The following PCDHA10 variants were observed in gnomAD, a reference collection of about 807,000 sequenced individuals.
PCDHA10 encodes protocadherin alpha 10.
A neutral mutation model predicts 61.2 loss-of-function variants in PCDHA10; 45 were observed. The ratio of observed to expected loss-of-function variants is 0.74; its 90% CI spans 0.58 to 0.94. The LOEUF (loss-of-function observed/expected upper bound fraction) is 0.94. PCDHA10 is among the 40% of genes least tolerant of loss of function. PCDHA10 has a pLI of 0.00. For synonymous variants in PCDHA10, 602 were observed against 548.8 expected (o/e 1.10, Z -1.35); for missense variants, 1,278 against 1,236.2 (o/e 1.03, Z -0.51).
At chr5:140,874,161 A>G (rs1173333729) in intron 1 of PCDHA10, among the ~76,000 whole-genome samples, 1 of 152,042 alleles carries the variant, frequency 6.6e-6, no homozygotes, top group Non-Finnish European at 1.5e-5. Context: ...ATTCTTGGTT[A>G]CTCTTTCCTG....
chr5:140,967,925 C>T, intron 1 of PCDHA10: 1 of 1,614,224 alleles, frequency 6.2e-7, no homozygotes, highest in South Asian at 1.1e-5. Context: ...TGTGGCCGTT[C>T]TCAGTGTCAA....
chr5:140,898,632 C>T (rs2066885282), intron 1 of PCDHA10, among the ~76,000 whole-genome samples: 1 of 152,158 alleles, frequency 6.6e-6, no homozygotes, highest in Non-Finnish European at 1.5e-5. Flanking sequence ...ATAATGCCTC[C>T]AGCTTTGTTC....
chr5:140,907,344 C>T (rs548533041), intron 1 of PCDHA10, among the ~76,000 whole-genome samples: 111 of 152,276 alleles, frequency 7.3e-4, no homozygotes, highest in Non-Finnish European at 1.2e-3. Flanking sequence ...TGCATGAGCC[C>T]GCTGCTGCAC....
chr5:140,877,501 A>G lies in PCDHA10; in HGVS notation c.2388+19065A>G, dbSNP rs2057165784. On this transcript the variant is annotated intron_variant, in intron 1 of 3. Coordinates refer to ENST00000307360, the MANE Select transcript of PCDHA10 (RefSeq NM_018901.4). ...GCTGGTGGAGAACGGCCAGGCCCCA[A>G]AGACGTCGTCGCGGGCCTCAGTGGG... 3.1e-6 allele frequency: 5 copies of G among 1,613,804 alleles called. No homozygotes were observed. In the East Asian group the frequency reaches 1.1e-4, roughly 36 times the overall value.
intron 1 of PCDHA10, among the ~76,000 whole-genome samples, chr5:140,906,853 T>C (rs576448914): frequency 1.3e-5 from 2 of 152,170 alleles, no homozygotes; most frequent in Non-Finnish European, 2.9e-5. Flanking sequence ...AGAGTCTGGG[T>C]CAGTCACCCC....
chr5:140,903,540 A>G (rs531687543), intron 1 of PCDHA10, among the ~76,000 whole-genome samples: 46 of 152,352 alleles, frequency 3.0e-4, no homozygotes, highest in African/African-American at 9.9e-4. Flanking sequence ...AACTAGAGCA[A>G]GAAACTTTTC....
chr5:140,861,207 AC>A (rs2046795908), intron 1 of PCDHA10: 1 of 165,948 alleles, frequency 6.0e-6, no homozygotes, highest in East Asian at 1.8e-4. Context: ...TGTTTTACTA[AC>A]CAAAAGAGAG....
chr5:140,879,003 G>C (rs781827510), intron 1 of PCDHA10, among the ~76,000 whole-genome samples: 1 of 152,144 alleles, frequency 6.6e-6, no homozygotes, highest in African/African-American at 2.4e-5. Flanking sequence ...GTATGCCCTA[G>C]AAATCAGATA....
At chr5:140,909,235 A>G (rs1554193708) in intron 1 of PCDHA10, among the ~76,000 whole-genome samples, 1 of 152,182 alleles carries the variant, frequency 6.6e-6, no homozygotes, top group African/African-American at 2.4e-5. Flanking sequence ...TAGGATGGTA[A>G]AGATATATTG....
intron 1 of PCDHA10, among the ~76,000 whole-genome samples, chr5:140,906,235 C>G (rs1319955366): frequency 1.3e-5 from 2 of 152,174 alleles, no homozygotes; most frequent in African/African-American, 4.8e-5. Flanking sequence ...CTCCCCTTGT[C>G]AACTTGAACC....
intron 1 of PCDHA10, chr5:140,966,601 T>C: frequency 1.5e-6 from 1 of 652,170 alleles, no homozygotes; most frequent in East Asian, 3.4e-5. Flanking sequence ...CCAGGAGCCC[T>C]TGGGAGGGCC....
chr5:140,950,685 A>T (rs947460709), intron 1 of PCDHA10, among the ~76,000 whole-genome samples: 3 of 152,082 alleles, frequency 2.0e-5, no homozygotes, highest in Non-Finnish European at 4.4e-5. Context: ...GTATATTGTT[A>T]ACCAAATTTG....
At chr5:140,991,919 A>T (rs185947527) in intron 3 of PCDHA10, among the ~76,000 whole-genome samples, 96 of 152,274 alleles carry the variant, frequency 6.3e-4, no homozygotes, top group Admixed American at 1.2e-3. Flanking sequence ...GCCATGTAAC[A>T]TAACATATTC....
In PCDHA10 at chr5:140,883,010, A is replaced by G. The variant is rs149814661; in HGVS notation, c.2388+24574A>G. 9.8e-4 allele frequency: 1,586 copies of G among 1,614,156 alleles called. 2 individuals carry two copies. The highest frequency in any genetic ancestry group is 1.3e-3 in the Non-Finnish European group (1,478 of 1,180,036). ...CCCGGAATTTTACCAATCCGTTTAT[A>G]AAGTGACGGTGTTAGAGAACGCCTT... On this transcript the variant is annotated intron_variant, in intron 1 of 3. Coordinates refer to ENST00000307360, the MANE Select transcript of PCDHA10 (RefSeq NM_018901.4).
intron 1 of PCDHA10, chr5:140,870,538 C>T (rs539269989): frequency 6.2e-7 from 1 of 1,614,154 alleles, no homozygotes; most frequent in African/African-American, 1.3e-5. Flanking sequence ...AGTGTCGGCG[C>T]GGGACGCGGA....
At chr5:140,997,099 A>G (rs1554255700) in intron 3 of PCDHA10, among the ~76,000 whole-genome samples, 6 of 152,108 alleles carry the variant, frequency 3.9e-5, no homozygotes. Context: ...CAGAGTTCTC[A>G]TGCACTCCTG....
At chr5:140,908,019 G>A (rs1031093375) in intron 1 of PCDHA10, among the ~76,000 whole-genome samples, 1 of 152,122 alleles carries the variant, frequency 6.6e-6, no homozygotes, top group Non-Finnish European at 1.5e-5. Context: ...ACTGGCTACA[G>A]CCCATTAATC....
At chr5:141,005,556 G>T (rs62384513) in intron 3 of PCDHA10, among the ~76,000 whole-genome samples, 1 of 151,476 alleles carries the variant, frequency 6.6e-6, no homozygotes, top group South Asian at 2.1e-4. Flanking sequence ...ACAAAAATTA[G>T]CCGGGCATGG....
At chr5:141,003,221 G>A (rs2098116088) in intron 3 of PCDHA10, among the ~76,000 whole-genome samples, 1 of 152,206 alleles carries the variant, frequency 6.6e-6, no homozygotes, top group Admixed American at 6.5e-5. Flanking sequence ...GCATGAAAGA[G>A]GAAAGCTGGA....
Sources: gnomAD v4.1 joint callset for allele counts (sites outside exome capture counted in the v4.1 genomes callset) on GRCh38, gnomAD v4.1.1 for gene constraint, MANE v1.5 for transcripts, NCBI Gene and HGNC (gene_info 2026-07-23, HGNC 2026-07-21) for gene names.